Variants in CDC14B observed in about 807,000 individuals in gnomAD.
CDC14B encodes the protein cell division cycle 14B.
CDC14B carries 22 observed loss-of-function variants against 64.2 expected under a neutral mutation model. The ratio of observed to expected loss-of-function variants is 0.34; its 90% CI spans 0.24 to 0.49. CDC14B has a LOEUF of 0.49. Among genes scored for constraint, CDC14B ranks in the 20% least tolerant of loss-of-function variants. The pLI is 0.99. For synonymous variants in CDC14B, 191 were observed against 215.8 expected, an observed-to-expected ratio of 0.89 and a Z score of 1.01; for missense variants, 498 against 629.9, an observed-to-expected ratio of 0.79 and a Z score of 2.24.
At chr9:96,557,251 T>C (rs757569701) in intron 4 of CDC14B, among the ~76,000 whole-genome samples, 75 of 152,244 alleles carry the variant, frequency 4.9e-4, no homozygotes, top group Non-Finnish European at 8.4e-4. Context: ...GTGCCGTCCC[T>C]TTGCTCAGCC....
chr9:96,505,657 T>C (rs1337779824), intron 13 of CDC14B, among the ~76,000 whole-genome samples: 1 of 152,144 alleles, frequency 6.6e-6, no homozygotes, highest in Non-Finnish European at 1.5e-5. Context: ...TTAGCATGGA[T>C]TTATAGCTCT....
At chr9:96,577,646 A>G (rs564574778) in intron 1 of CDC14B, among the ~76,000 whole-genome samples, 1 of 152,212 alleles carries the variant, frequency 6.6e-6, no homozygotes, top group Admixed American at 6.5e-5. Context: ...TGGTGCCAAG[A>G]CCCCACCGAA....
At chr9:96,566,602 T>C (rs941921273) in intron 1 of CDC14B, among the ~76,000 whole-genome samples, 2 of 152,086 alleles carry the variant, frequency 1.3e-5, no homozygotes, top group African/African-American at 4.8e-5. Context: ...CAGCCGCCCA[T>C]GAGCGCTGTA....
At chr9:96,507,311 GAA>G (rs541475615) in intron 13 of CDC14B, among the ~76,000 whole-genome samples, 11 of 51,994 alleles carry the variant, frequency 2.1e-4, no homozygotes, top group Non-Finnish European at 2.9e-4. Flanking sequence ...CATGTCAAAG[GAA>G]AAAAAAAAAA....
chr9:96,493,736 G>A (rs185350047), intron 13 of CDC14B, among the ~76,000 whole-genome samples: 1 of 152,248 alleles, frequency 6.6e-6, no homozygotes, highest in African/African-American at 2.4e-5. Context: ...GAGGCAGGAG[G>A]ATGGCTTGAG....
intron 13 of CDC14B, among the ~76,000 whole-genome samples, chr9:96,509,265 T>C (rs113033268): frequency 6.6e-6 from 1 of 152,190 alleles, no homozygotes; most frequent in Non-Finnish European, 1.5e-5. Context: ...AAAGAGTCAC[T>C]AGGTAGAGAA....
intron 1 of CDC14B, among the ~76,000 whole-genome samples, chr9:96,612,547 G>A (rs1364382315): frequency 6.6e-6 from 1 of 152,228 alleles, no homozygotes; most frequent in Non-Finnish European, 1.5e-5. Context: ...CTGGGATGGG[G>A]CAGAGACTAG....
intron 1 of CDC14B, among the ~76,000 whole-genome samples, chr9:96,580,610 T>C (rs1845087490): frequency 6.6e-6 from 1 of 152,208 alleles, no homozygotes; most frequent in Non-Finnish European, 1.5e-5. Flanking sequence ...GTATCTGTTA[T>C]GCATGTAACC....
intron 4 of CDC14B, among the ~76,000 whole-genome samples, chr9:96,560,497 G>A (rs1843000522): frequency 6.6e-6 from 1 of 151,770 alleles, no homozygotes; most frequent in Admixed American, 6.6e-5. Flanking sequence ...GACTGGCCAA[G>A]TAATAGGACC....
intron 1 of CDC14B, among the ~76,000 whole-genome samples, chr9:96,596,269 G>T (rs888010390): frequency 6.6e-6 from 1 of 151,528 alleles, no homozygotes; most frequent in African/African-American, 2.4e-5. Context: ...GGCTGAGACA[G>T]GAGAATTGCT....
At chr9:96,593,057 T>A (rs545053879) in intron 1 of CDC14B, among the ~76,000 whole-genome samples, 1 of 152,256 alleles carries the variant, frequency 6.6e-6, no homozygotes, top group East Asian at 1.9e-4. Context: ...ATGGTTCATA[T>A]GTGAAATAAA....
intron 12 of CDC14B, among the ~76,000 whole-genome samples, chr9:96,512,279 G>T (rs1444218510): frequency 6.7e-6 from 1 of 148,264 alleles, no homozygotes; most frequent in Non-Finnish European, 1.5e-5. Flanking sequence ...ACCCTGGCTT[G>T]TGAATTCTAC....
rs16911199 is a variant in CDC14B at position 96,550,154 on chromosome 9, T to C, written c.497+1642A>G. On this transcript the variant is annotated intron_variant, in intron 5 of 13. Coordinates refer to ENST00000375241, the MANE Select transcript of CDC14B (RefSeq NM_033331.4). The stretch of plus-strand genomic sequence containing the variant: ...TTTTAAAGGAAGAATGTGGTTGCTA[T>C]TATGTTATAGGTTGAGAAGAATTTT... Among the ~76,000 whole-genome samples the C allele has an allele frequency of 5.0e-3, 759 of 152,326 alleles. 7 individuals are homozygous for C. The highest frequency in any genetic ancestry group is 0.017 in the African/African-American group (701 of 41,572).
At chr9:96,541,615 C>T (rs778369783) in intron 6 of CDC14B, among the ~76,000 whole-genome samples, 4 of 152,166 alleles carry the variant, frequency 2.6e-5, no homozygotes, top group Non-Finnish European at 2.9e-5. Context: ...ACTTTTCCCC[C>T]AACTCATACA....
chr9:96,538,793 C>G (rs1426198396), intron 7 of CDC14B: 3 of 261,846 alleles, frequency 1.1e-5, no homozygotes, highest in Non-Finnish European at 2.2e-5. Context: ...GAGTACAAAC[C>G]ATCAGAGGAT....
At chr9:96,543,327 C>A (rs982891947) in intron 5 of CDC14B, among the ~76,000 whole-genome samples, 2 of 150,334 alleles carry the variant, frequency 1.3e-5, no homozygotes, top group Non-Finnish European at 2.9e-5. Flanking sequence ...GAGCGAGACT[C>A]GAGACTCGTC....
intron 1 of CDC14B, among the ~76,000 whole-genome samples, chr9:96,599,779 C>G (rs1158015117): frequency 2.0e-5 from 3 of 151,968 alleles, no homozygotes; most frequent in Non-Finnish European, 4.4e-5. Context: ...CACTTTGTCA[C>G]CAGGCTGGAG....
chr9:96,606,208 C>T (rs1431146143), intron 1 of CDC14B, among the ~76,000 whole-genome samples: 1 of 150,942 alleles, frequency 6.6e-6, no homozygotes, highest in Non-Finnish European at 1.5e-5. Context: ...TGATGTGTGC[C>T]TGTAGTCCCA....
At chr9:96,495,391 G>GCCCCCCC (rs71499002), downstream of CDC14B, among the ~76,000 whole-genome samples, 1 of 140,084 alleles carries the variant, frequency 7.1e-6, no homozygotes. Flanking sequence ...CATGTGTGCT[G>GCCCCCCC]CCCCCCCCCG....
Sources: gnomAD v4.1 joint callset for allele counts (sites outside exome capture counted in the v4.1 genomes callset) on GRCh38, gnomAD v4.1.1 for gene constraint, MANE v1.5 for transcripts, NCBI Gene and HGNC (gene_info 2026-07-23, HGNC 2026-07-21) for gene names.